Variants in LIN7A observed in about 807,000 individuals in gnomAD.
The protein encoded by LIN7A is lin-7 cell polarity scaffold A.
LIN7A carries 25 observed loss-of-function variants against 29.8 expected under a neutral mutation model. That is an observed-to-expected ratio of 0.84 (90% CI 0.61 to 1.17). The LOEUF (loss-of-function observed/expected upper bound fraction) is 1.17, where lower values mean the gene tolerates loss of function less well. Among genes scored for constraint, LIN7A ranks in the 50% most tolerant of loss-of-function variants. LIN7A has a pLI of 0.00. For synonymous variants in LIN7A, 118 were observed against 107.5 expected, an observed-to-expected ratio of 1.10 and a Z score of -0.60; for missense variants, 239 against 287.0, an observed-to-expected ratio of 0.83 and a Z score of 1.21.
At chr12:80,858,153 A>G (rs1873694213) in intron 2 of LIN7A, among the ~76,000 whole-genome samples, 1 of 152,204 alleles carries the variant, frequency 6.6e-6, no homozygotes, top group Admixed American at 6.5e-5. Flanking sequence ...AGGTGAATTA[A>G]AATGACCATG....
At chr12:80,808,808 A>T (rs1208488518) in intron 5 of LIN7A, among the ~76,000 whole-genome samples, 1 of 152,082 alleles carries the variant, frequency 6.6e-6, no homozygotes, top group Non-Finnish European at 1.5e-5. Context: ...CTTGGCTCCC[A>T]ATAAATGTAT....
At chr12:80,909,934 A>C (rs1218913991) in intron 1 of LIN7A, among the ~76,000 whole-genome samples, 1 of 151,790 alleles carries the variant, frequency 6.6e-6, no homozygotes, top group African/African-American at 2.4e-5. Context: ...GGTTACTGTG[A>C]AAGTAGTTGC....
chr12:80,840,133 A>G (rs543935870), intron 4 of LIN7A, among the ~76,000 whole-genome samples: 16 of 152,092 alleles, frequency 1.1e-4, no homozygotes, highest in African/African-American at 3.1e-4. Context: ...CACCTTTTGG[A>G]CTTTCTTGCT....
At chr12:80,837,087 C>T (rs1419173963) in intron 4 of LIN7A, among the ~76,000 whole-genome samples, 1 of 152,050 alleles carries the variant, frequency 6.6e-6, no homozygotes, top group Non-Finnish European at 1.5e-5. Context: ...ATTGTCAGAA[C>T]TAGGAGTAGA....
intron 2 of LIN7A, among the ~76,000 whole-genome samples, chr12:80,854,033 A>C (rs1191286496): frequency 2.0e-5 from 3 of 152,202 alleles, no homozygotes; most frequent in Non-Finnish European, 4.4e-5. Context: ...GTGGAAATAC[A>C]AAATGGTACA....
At position 80,804,313 on chromosome 12, in the gene LIN7A, T is replaced by C. The variant is rs1325488219; in HGVS notation, c.*1-6587A>G. 2.6e-5 allele frequency among the ~76,000 whole-genome samples: 4 copies of C among 152,120 alleles called. No individual in the cohort carries two copies. In the East Asian group the frequency reaches 7.7e-4, roughly 29 times the overall value. ...TGTTGTGCTGTCAAATACTAGGCCT[T>C]ATGCATTCATTGTGTTTTTGTACCC... On this transcript the variant is annotated intron_variant, in intron 5 of 5. Transcript: ENST00000552864.
At chr12:80,879,826 A>G (rs1267250895) in intron 2 of LIN7A, among the ~76,000 whole-genome samples, 1 of 152,170 alleles carries the variant, frequency 6.6e-6, no homozygotes, top group East Asian at 1.9e-4. Flanking sequence ...TAAATTCCCT[A>G]TCAGTCGGAG....
intron 5 of LIN7A, among the ~76,000 whole-genome samples, chr12:80,807,230 C>G (rs1401530913): frequency 6.6e-6 from 1 of 151,708 alleles, no homozygotes; most frequent in East Asian, 1.9e-4. Flanking sequence ...CGCCACCACG[C>G]CCAGCTAATT....
intron 1 of LIN7A, among the ~76,000 whole-genome samples, chr12:80,903,043 G>A (rs192616701): frequency 1.7e-4 from 26 of 150,538 alleles, no homozygotes; most frequent in Admixed American, 1.3e-3. Context: ...TCAATATCTA[G>A]TCAACAAACA....
chr12:80,807,851 GACT>G (rs1305504821), intron 5 of LIN7A, among the ~76,000 whole-genome samples: 1 of 152,130 alleles, frequency 6.6e-6, no homozygotes, highest in Non-Finnish European at 1.5e-5. Context: ...TTCCTGCCTG[GACT>G]ACTACACATT....
chr12:80,871,573 A>G (rs1030226167), intron 2 of LIN7A, among the ~76,000 whole-genome samples: 1 of 152,080 alleles, frequency 6.6e-6, no homozygotes, highest in African/African-American at 2.4e-5. Context: ...ATATGCTTCA[A>G]TAAGCATGTT....
intron 1 of LIN7A, chr12:80,936,942 G>T (rs916790858): frequency 6.6e-6 from 1 of 152,160 alleles, no homozygotes; most frequent in Non-Finnish European, 1.5e-5. Context: ...TATCGACCGG[G>T]AGCTGCCGGC....
At position 80,937,742 on chromosome 12, in the gene LIN7A, G is replaced by A; in HGVS notation, c.-20C>T. ...CAGCATCAGCAACCGCTCGTAGTGA[G>A]AAAAAAAGGAGGAGATTGGGGGCGG... On this transcript the variant is annotated 5_prime_UTR_variant, in exon 1 of 6. Coordinates refer to ENST00000552864, the MANE Select transcript of LIN7A (RefSeq NM_004664.4). 4 of 819,586 alleles carry A rather than the reference G, an allele frequency of 4.9e-6. No homozygotes were observed. The highest frequency in any genetic ancestry group is 3.9e-5 in the Admixed American group (1 of 25,548). 50.8% of individuals were successfully genotyped at this position (819,586 alleles called of 1,614,324 possible). A position where few individuals can be genotyped will look rare whatever the true frequency, so the allele number is the denominator to read the frequency against.
chr12:80,814,044 C>T (rs1048651920), intron 4 of LIN7A, among the ~76,000 whole-genome samples: 1 of 152,046 alleles, frequency 6.6e-6, no homozygotes, highest in Admixed American at 6.6e-5. Context: ...AATTGAGTTA[C>T]AGAAAAATAA....
chr12:80,908,059 G>A (rs1267934716), intron 1 of LIN7A, among the ~76,000 whole-genome samples: 1 of 152,078 alleles, frequency 6.6e-6, no homozygotes, highest in Non-Finnish European at 1.5e-5. Flanking sequence ...TAAGTACTTA[G>A]CCTGAGATAT....
chr12:80,829,157 A>C (rs1872224097), intron 4 of LIN7A, among the ~76,000 whole-genome samples: 1 of 152,186 alleles, frequency 6.6e-6, no homozygotes, highest in Admixed American at 6.5e-5. Context: ...TAGTTTGGGC[A>C]AAATAAGTCC....
At chr12:80,856,576 T>C (rs780957113) in intron 2 of LIN7A, among the ~76,000 whole-genome samples, 1 of 152,208 alleles carries the variant, frequency 6.6e-6, no homozygotes, top group Non-Finnish European at 1.5e-5. Context: ...ACAAAGGACA[T>C]ACAAGACCTT....
intron 2 of LIN7A, among the ~76,000 whole-genome samples, chr12:80,877,966 T>C (rs1308317454): frequency 2.0e-5 from 3 of 152,322 alleles, no homozygotes; most frequent in Middle Eastern, 3.4e-3. Flanking sequence ...TCACTCTATC[T>C]GACTGATACA....
chr12:80,875,304 A>T (rs1874629763), intron 2 of LIN7A, among the ~76,000 whole-genome samples: 1 of 152,188 alleles, frequency 6.6e-6, no homozygotes, highest in Non-Finnish European at 1.5e-5. Flanking sequence ...TTTTCTGGAA[A>T]AAAAAGCCCA....
Sources: allele counts gnomAD v4.1 joint callset (sites outside exome capture counted in the v4.1 genomes callset), GRCh38; gene constraint gnomAD v4.1.1; transcripts MANE v1.5; gene names NCBI Gene and HGNC (gene_info 2026-07-23, HGNC 2026-07-21).